Variants in STK33 observed in about 807,000 individuals in gnomAD.
STK33 encodes the protein serine/threonine kinase 33.
A neutral mutation model predicts 58.0 loss-of-function variants in STK33; 52 were observed. The ratio of observed to expected loss-of-function variants is 0.90; its 90% CI spans 0.72 to 1.13. The LOEUF (loss-of-function observed/expected upper bound fraction) is 1.13, where lower values mean the gene tolerates loss of function less well. STK33 is among the 50% of genes most tolerant of loss of function. The pLI, the probability that STK33 is intolerant of heterozygous loss-of-function variation, is 0.00. For synonymous variants in STK33, 215 were observed against 200.1 expected, an observed-to-expected ratio of 1.07 and a Z score of -0.63; for missense variants, 630 against 604.2, an observed-to-expected ratio of 1.04 and a Z score of -0.45.
At chr11:8,555,396 G>T (rs887450595) in intron 1 of STK33, among the ~76,000 whole-genome samples, 12 of 152,160 alleles carry the variant, frequency 7.9e-5, no homozygotes, top group African/African-American at 2.7e-4. Context: ...GGGCACTGTG[G>T]CTCCCACCTG....
At chr11:8,354,472 C>CCCCACACACACACACACA in the STK33 span, among the ~76,000 whole-genome samples, 1 of 55,990 alleles carries the variant, frequency 1.8e-5, no homozygotes, top group Non-Finnish European at 3.4e-5. Context: ...GTCTGCAAAA[C>CCCCACACACACACACACA]CTCACACACA....
At chr11:8,372,362 T>C in the STK33 span, among the ~76,000 whole-genome samples, 5 of 151,862 alleles carry the variant, frequency 3.3e-5, no homozygotes, top group Middle Eastern at 3.4e-3. Flanking sequence ...CAAGATCCCA[T>C]GTTTCTACCT....
intron 1 of STK33, among the ~76,000 whole-genome samples, chr11:8,569,013 G>A (rs1957627262): frequency 6.6e-6 from 1 of 152,076 alleles, no homozygotes; most frequent in Non-Finnish European, 1.5e-5. Flanking sequence ...ATAGAATAAA[G>A]CCCAGTGCTC....
chr11:8,362,257 G>A, the STK33 span, among the ~76,000 whole-genome samples: 1 of 152,164 alleles, frequency 6.6e-6, no homozygotes, highest in Non-Finnish European at 1.5e-5. Flanking sequence ...CCATTTCTCT[G>A]TAATACACCT....
At chr11:8,437,935 T>C (rs1259467541) in intron 12 of STK33, among the ~76,000 whole-genome samples, 1 of 152,224 alleles carries the variant, frequency 6.6e-6, no homozygotes, top group Non-Finnish European at 1.5e-5. Flanking sequence ...CACCTTGCTA[T>C]TGTTTAGTTT....
At chr11:8,570,095 CA>C (rs1388115018) in intron 1 of STK33, among the ~76,000 whole-genome samples, 1 of 151,798 alleles carries the variant, frequency 6.6e-6, no homozygotes, top group African/African-American at 2.4e-5. Flanking sequence ...AACCTGTTTT[CA>C]AAAAAATAGG....
chr11:8,482,313 T>G (rs548251308), intron 1 of STK33, among the ~76,000 whole-genome samples: 3 of 152,298 alleles, frequency 2.0e-5, no homozygotes, highest in Non-Finnish European at 4.4e-5. Context: ...AAGTTTTCTA[T>G]AAGTCTGACC....
intron 1 of STK33, among the ~76,000 whole-genome samples, chr11:8,483,567 AGAGAGTGGCCACCAAAT>A (rs1949993969): frequency 6.6e-6 from 1 of 152,302 alleles, no homozygotes; most frequent in South Asian, 2.1e-4. Flanking sequence ...TTTAGTGAAC[AGAGAGTGGCCACCAAAT>A]TCAACACTAA....
the STK33 span, among the ~76,000 whole-genome samples, chr11:8,354,515 CA>C: frequency 4.8e-5 from 7 of 144,544 alleles, no homozygotes; most frequent in African/African-American, 1.5e-4. Context: ...CACACACACA[CA>C]CCCCTCAGAC....
chr11:8,586,160 T>C (rs72855149), intron 1 of STK33, among the ~76,000 whole-genome samples: 25,603 of 145,992 alleles, frequency 0.18, 2,668 homozygotes, highest in South Asian at 0.32. Context: ...AAGGCTACAG[T>C]GAGCCAAGAT....
At chr11:8,484,926 G>GA (rs889927671) in intron 1 of STK33, among the ~76,000 whole-genome samples, 2 of 152,174 alleles carry the variant, frequency 1.3e-5, no homozygotes, top group African/African-American at 4.8e-5. Context: ...ACAGGTTCAA[G>GA]ATTTTAAAGG....
downstream of STK33, among the ~76,000 whole-genome samples, chr11:8,390,257 A>G (rs1169402729): frequency 6.6e-6 from 1 of 152,196 alleles, no homozygotes; most frequent in Non-Finnish European, 1.5e-5. Context: ...AATTCCTTGA[A>G]AATAACACCT....
chr11:8,501,590 C>A (rs562739652), intron 1 of STK33, among the ~76,000 whole-genome samples: 3 of 152,260 alleles, frequency 2.0e-5, no homozygotes, highest in African/African-American at 7.2e-5. Context: ...CCTCCATATA[C>A]TGCTGGTGGG....
intron 14 of STK33, among the ~76,000 whole-genome samples, chr11:8,428,555 C>T (rs967764385): frequency 6.6e-6 from 1 of 152,160 alleles, no homozygotes; most frequent in Non-Finnish European, 1.5e-5. Flanking sequence ...AGAGTCTCCT[C>T]CAGCAGGCCC....
At chr11:8,432,623 T>G (rs191228872) in intron 14 of STK33, among the ~76,000 whole-genome samples, 26 of 152,248 alleles carry the variant, frequency 1.7e-4, no homozygotes, top group African/African-American at 6.0e-4. Flanking sequence ...GGCTAAACCA[T>G]AGAAACTTTA....
At chr11:8,535,500 A>C (rs1954924034) in intron 1 of STK33, among the ~76,000 whole-genome samples, 1 of 152,158 alleles carries the variant, frequency 6.6e-6, no homozygotes, top group African/African-American at 2.4e-5. Context: ...CAATATCACT[A>C]ATCATCACAG....
At chr11:8,578,473 A>G (rs1168305406) in intron 1 of STK33, among the ~76,000 whole-genome samples, 1 of 152,034 alleles carries the variant, frequency 6.6e-6, no homozygotes, top group Non-Finnish European at 1.5e-5. Flanking sequence ...TATCTAAGAT[A>G]TTTTTAGGCA....
intron 1 of STK33, among the ~76,000 whole-genome samples, chr11:8,537,625 T>A (rs1955140181): frequency 6.6e-6 from 1 of 151,700 alleles, no homozygotes; most frequent in African/African-American, 2.4e-5. Context: ...AATGGACATG[T>A]GCCAAGCGCT....
chr11:8,362,587 A>G, the STK33 span, among the ~76,000 whole-genome samples: 2 of 152,256 alleles, frequency 1.3e-5, no homozygotes, highest in Non-Finnish European at 2.9e-5. Context: ...ACCCAACAAA[A>G]AAACCATTTC....
Sources: allele counts gnomAD v4.1 joint callset (sites outside exome capture counted in the v4.1 genomes callset), GRCh38; gene constraint gnomAD v4.1.1; transcripts MANE v1.5; gene names NCBI Gene and HGNC (gene_info 2026-07-23, HGNC 2026-07-21).